Variants in TRIM62 observed in about 807,000 individuals in gnomAD.
The protein encoded by TRIM62 is tripartite motif containing 62, also known as E3 ubiquitin-protein ligase TRIM62.
TRIM62 carries 39 observed loss-of-function variants against 44.2 expected under a neutral mutation model. The observed-to-expected ratio is 0.88, with a 90% CI of 0.68 to 1.15. The LOEUF (loss-of-function observed/expected upper bound fraction) is 1.15. TRIM62 is among the 50% of genes most tolerant of loss of function. The probability of loss-of-function intolerance (pLI) is 0.00; values close to 1 mark genes in which losing one functional copy is unlikely to be tolerated. For missense variants in TRIM62, 544 were observed against 665.5 expected (o/e 0.82, Z 2.01); for synonymous variants, 278 against 292.3 (o/e 0.95, Z 0.50).
chr1:33,165,440 G>C lies in TRIM62; in HGVS notation c.504+31C>G, dbSNP rs1348320533. On this transcript the variant is annotated intron_variant, in intron 2 of 4. Coordinates refer to ENST00000291416, the MANE Select transcript of TRIM62 (RefSeq NM_018207.3). This position sits in a 1 kb window ranked among gnomAD's most constrained non-coding sequence, Gnocchi z 4.0. ...TCGAAGCCCTGCCCTCATCTCTGCC[G>C]GCCCCACCTCCGCGCCCCGGCCAGG... 9.1e-6 allele frequency: 14 copies of C among 1,542,200 alleles called. No homozygotes were observed. Among genetic ancestry groups the C allele is most frequent in the Non-Finnish European group, 1.2e-5 (14 of 1,140,006 alleles).
chr1:33,181,665 G>T lies in TRIM62; in HGVS notation c.-233C>A. On this transcript the variant is annotated 5_prime_UTR_variant, in exon 1 of 5. Coordinates refer to ENST00000291416, the MANE Select transcript of TRIM62 (RefSeq NM_018207.3). The surrounding 1 kb of genome is among the most constrained non-coding windows in gnomAD (Gnocchi z 6.5). ...CCCGGGAGGGCAGTCTAGAGGTAGT[G>T]GGCAGCTCAAGGCGATGGGCGCTGG... is the stretch of plus-strand genomic sequence containing the variant. The T allele has an allele frequency of 1.4e-6, 1 of 690,246 alleles. No individual in the cohort carries two copies. Among genetic ancestry groups the T allele is most frequent in the Non-Finnish European group, 2.3e-6 (1 of 439,446 alleles). 42.8% of individuals were successfully genotyped at this position (690,246 alleles called of 1,614,324 possible).
At chr1:33,154,108 A>G (rs894913698) in intron 4 of TRIM62, among the ~76,000 whole-genome samples, 1 of 152,260 alleles carries the variant, frequency 6.6e-6, no homozygotes, top group African/African-American at 2.4e-5. Context: ...GGCATGTGCA[A>G]ACGTGTAGAT....
intron 4 of TRIM62, among the ~76,000 whole-genome samples, chr1:33,148,756 T>C (rs2124710342): frequency 1.3e-5 from 2 of 152,298 alleles, no homozygotes; most frequent in Middle Eastern, 3.4e-3. Context: ...CTTTGAGATA[T>C]TACACATGAT....
rs147200708 is a variant in TRIM62 at position 33,159,903 on chromosome 1, G to A, written c.546C>T (p.Phe182=). The change falls in exon 3 of 5, where the codon TTC becomes TTT. Residue 182 remains phenylalanine, a synonymous_variant. Transcript: ENST00000291416. The surrounding 1 kb of genome is among the most constrained non-coding windows in gnomAD (Gnocchi z 4.2). ...KSLRTTIGEA[F]ERLHRLLRER... ...CACGCAGCAGCCGGTGCAGCCGCTC[G>A]AAGGCCTCGCCGATAGTGGTCCGCA... 122 of 1,609,358 alleles carry A rather than the reference G, an allele frequency of 7.6e-5. 1 individual carries two copies. The African/African-American group carries it at 1.1e-3, about 14-fold the overall frequency.
rs1300789224 is a variant in TRIM62 at position 33,147,345 on chromosome 1, C to T, written c.1260G>A (p.Leu420=). 6.2e-7 allele frequency: 1 copy of T among 1,614,210 alleles called. No homozygotes were observed. The highest frequency in any genetic ancestry group is 8.5e-7 in the Non-Finnish European group (1 of 1,180,040). Residue 420 remains leucine, a synonymous_variant, in exon 5 of 5, where the codon CTG becomes CTA. Transcript: ENST00000291416. This position sits in a 1 kb window ranked among gnomAD's most constrained non-coding sequence, Gnocchi z 8.1. ...AGATGAGCAAGCCTTGGTCATAGTC[C>T]AGGAAGACACCCACCTTGTCAAGCT... The part of the protein sequence containing the change: ...RDKLDKVGVF[L]DYDQGLLIFY...
At chr1:33,154,939 A>C (rs1168752583) in intron 4 of TRIM62, among the ~76,000 whole-genome samples, 1 of 150,876 alleles carries the variant, frequency 6.6e-6, no homozygotes, top group Non-Finnish European at 1.5e-5. Context: ...TAAAAATACA[A>C]AAAATTAGCC....
chr1:33,149,101 C>A (rs1158068658), intron 4 of TRIM62, among the ~76,000 whole-genome samples: 1 of 152,190 alleles, frequency 6.6e-6, no homozygotes, highest in African/African-American at 2.4e-5. Context: ...CCTTCCTGGT[C>A]ACCCAGCAGA....
At chr1:33,176,342 A>T (rs1445127008) in intron 1 of TRIM62, 1 of 641,082 alleles carries the variant, frequency 1.6e-6, no homozygotes, top group Non-Finnish European at 2.9e-6. Flanking sequence ...ATTTGAACCT[A>T]GCCCCCAGCC....
rs1314511867 is a variant in TRIM62, at chr1:33,171,814, C to T, written c.409-6248G>A. Among the ~76,000 whole-genome samples, 4 of 152,288 alleles carry T rather than the reference C, an allele frequency of 2.6e-5. No individual in the cohort carries two copies. In the East Asian group the frequency reaches 7.7e-4, roughly 29 times the overall value. Reference sequence around the variant, plus strand: ...TTTATTTTTTTGAGACAGAATCTCGCTCTGTAACCCAGTCTGGGGTGTAGT... The same window carrying T: ...TTTATTTTTTTGAGACAGAATCTCGTTCTGTAACCCAGTCTGGGGTGTAGT... On this transcript the variant is annotated intron_variant, in intron 1 of 4. Transcript: ENST00000291416.
At chr1:33,157,316 C>T (rs1188348252) in intron 4 of TRIM62, among the ~76,000 whole-genome samples, 1 of 152,158 alleles carries the variant, frequency 6.6e-6, no homozygotes, top group Non-Finnish European at 1.5e-5. Context: ...GAGATGTGCT[C>T]CTGCCTCAGG....
Position 33,181,250 on chromosome 1 carries a change from C to A in TRIM62, c.183G>T (p.Ala61=). Residue 61 remains alanine (A), a synonymous_variant, in exon 1 of 5, where the codon GCG becomes GCT. Coordinates refer to ENST00000291416, the MANE Select transcript of TRIM62 (RefSeq NM_018207.3). This position sits in a 1 kb window ranked among gnomAD's most constrained non-coding sequence, Gnocchi z 6.5. The part of the protein sequence containing the change: ...PECRRTFAEP[A]LAPSLKLANI... ...TGGCCAGCTTGAGGCTGGGCGCCAG[C>A]GCGGGCTCGGCGAACGTGCGCCGGC... The A allele has an allele frequency of 1.9e-6, 3 of 1,550,370 alleles. No homozygotes were observed. Among genetic ancestry groups the A allele is most frequent in the Non-Finnish European group, 1.7e-6 (2 of 1,153,752 alleles).
At chr1:33,174,579 TG>T (rs1251863156) in intron 1 of TRIM62, among the ~76,000 whole-genome samples, 1 of 152,076 alleles carries the variant, frequency 6.6e-6, no homozygotes, top group African/African-American at 2.4e-5. Flanking sequence ...AGAGGTAGGC[TG>T]GGGGAGAGAG....
At chr1:33,175,809 C>T (rs1157637897) in intron 1 of TRIM62, among the ~76,000 whole-genome samples, 1 of 152,214 alleles carries the variant, frequency 6.6e-6, no homozygotes, top group Admixed American at 6.5e-5. Flanking sequence ...ACCTGGCACA[C>T]AGTAAGTGCC....
chr1:33,156,308 T>C (rs1402948810), intron 4 of TRIM62, among the ~76,000 whole-genome samples: 1 of 152,216 alleles, frequency 6.6e-6, no homozygotes, highest in African/African-American at 2.4e-5. Flanking sequence ...CCTCCACCTC[T>C]CTTGGACCAG....
intron 4 of TRIM62, among the ~76,000 whole-genome samples, chr1:33,151,366 T>C (rs61799492): frequency 0.062 from 9,351 of 152,026 alleles, 396 homozygotes; most frequent in Non-Finnish European, 0.09. Context: ...CCCCAAGGGG[T>C]GAGGCTGGGG....
At position 33,145,895 on chromosome 1, in the gene TRIM62, A is replaced by T. The variant is rs1645016576; in HGVS notation, c.*1282T>A. The T allele has an allele frequency of 6.4e-6, 3 of 471,136 alleles. No individual in the cohort carries two copies. The highest frequency in any genetic ancestry group is 1.3e-5 in the Non-Finnish European group (3 of 227,040). The allele number at this position is 471,136 out of a possible 1,614,324, so 29.2% of individuals were successfully genotyped here. ...ACATTTCCCAGACTCCCTTGCAGCC[A>T]AGGTTCTGGATCTGACTTAAGTTCC... On this transcript the variant is annotated 3_prime_UTR_variant, in exon 5 of 5. Transcript: ENST00000291416.
intron 4 of TRIM62, among the ~76,000 whole-genome samples, chr1:33,149,063 C>G (rs1645059363): frequency 6.6e-6 from 1 of 152,212 alleles, no homozygotes; most frequent in African/African-American, 2.4e-5. Flanking sequence ...CCCAGAGGCT[C>G]AATTCAAAAG....
At chr1:33,160,151 C>T (rs1198376973) in intron 2 of TRIM62, among the ~76,000 whole-genome samples, 1 of 151,978 alleles carries the variant, frequency 6.6e-6, no homozygotes, top group African/African-American at 2.4e-5. Flanking sequence ...ATGAAATGGC[C>T]CAGGTGAGAA....
intron 4 of TRIM62, among the ~76,000 whole-genome samples, chr1:33,156,444 C>T (rs1645179906): frequency 6.6e-6 from 1 of 152,194 alleles, no homozygotes; most frequent in South Asian, 2.1e-4. Flanking sequence ...GCTCAGCAGC[C>T]TTTGTCACTG....
Sources: gnomAD v4.1 joint callset for allele counts (sites outside exome capture counted in the v4.1 genomes callset) on GRCh38, gnomAD v4.1.1 for gene constraint, Gnocchi (gnomAD v3.1) non-coding constraint, MANE v1.5 for transcripts, NCBI Gene and HGNC (gene_info 2026-07-23, HGNC 2026-07-21) for gene names.